Variants in RXFP1 observed in about 807,000 individuals in gnomAD.
RXFP1 encodes relaxin family peptide receptor 1.
Under a neutral mutation model 89.8 loss-of-function variants are expected in RXFP1, and 73 were observed. The observed-to-expected ratio is 0.81, with a 90% CI of 0.67 to 0.99. RXFP1 has a LOEUF of 0.99. Among genes scored for constraint, RXFP1 ranks in the 50% least tolerant of loss-of-function variants. The pLI is 0.00. For missense variants in RXFP1, 793 were observed against 895.5 expected (o/e 0.89, Z 1.46); for synonymous variants, 277 against 305.5 (o/e 0.91, Z 0.97).
At chr4:158,559,727 T>A (rs952682679) in intron 1 of RXFP1, among the ~76,000 whole-genome samples, 2 of 152,248 alleles carry the variant, frequency 1.3e-5, no homozygotes, top group African/African-American at 4.8e-5. Context: ...AAATTCTTCA[T>A]AGAATTGCAG....
At chr4:158,568,345 A>G (rs1276212246) in intron 1 of RXFP1, among the ~76,000 whole-genome samples, 1 of 152,252 alleles carries the variant, frequency 6.6e-6, no homozygotes, top group African/African-American at 2.4e-5. Flanking sequence ...GACTGGACAT[A>G]AAAAGATAAT....
At chr4:158,555,907 C>T (rs1579577876) in intron 1 of RXFP1, among the ~76,000 whole-genome samples, 1 of 152,184 alleles carries the variant, frequency 6.6e-6, no homozygotes, top group Non-Finnish European at 1.5e-5. Flanking sequence ...ACCCCTCCCT[C>T]TTGCAATATA....
intron 2 of RXFP1, among the ~76,000 whole-genome samples, chr4:158,589,561 C>T (rs1039397107): frequency 5.9e-5 from 9 of 152,204 alleles, no homozygotes; most frequent in South Asian, 4.2e-4. Context: ...AACTTATTTA[C>T]CTCAAGTAAA....
intron 17 of RXFP1, among the ~76,000 whole-genome samples, chr4:158,650,989 T>C (rs1262896309): frequency 1.3e-5 from 2 of 152,072 alleles, no homozygotes; most frequent in South Asian, 2.1e-4. Flanking sequence ...CCAGGCATGG[T>C]GGCACATGCC....
rs1580012943 is a variant in RXFP1, at chr4:158,607,890, C to G, written c.465-82C>G. The G allele has an allele frequency of 9.4e-6, 8 of 847,042 alleles. No homozygotes were observed. In the East Asian group the frequency reaches 2.0e-4, roughly 22 times the overall value. The allele number at this position is 847,042 out of a possible 1,614,324, so 52.5% of individuals were successfully genotyped here. ...CATATTGCTATGCTACCATCACCATCATCCATCCACAGAATTCTTTTTGTC... is the reference window on the plus strand; with the variant it reads ...CATATTGCTATGCTACCATCACCATGATCCATCCACAGAATTCTTTTTGTC... On this transcript the variant is annotated intron_variant, in intron 5 of 17. Transcript: ENST00000307765.
At chr4:158,609,245 A>C (rs1408989480) in intron 6 of RXFP1, among the ~76,000 whole-genome samples, 2 of 152,220 alleles carry the variant, frequency 1.3e-5, no homozygotes, top group African/African-American at 4.8e-5. Flanking sequence ...AGGGACTGCC[A>C]TACTATTTTC....
At chr4:158,644,676 G>C (rs1771178597) in intron 14 of RXFP1, among the ~76,000 whole-genome samples, 1 of 152,128 alleles carries the variant, frequency 6.6e-6, no homozygotes, top group South Asian at 2.1e-4. Context: ...TCTAACACTT[G>C]TTATGTTTAT....
intron 17 of RXFP1, among the ~76,000 whole-genome samples, chr4:158,650,432 A>AATATATATATATATATATATATATATAT (rs149845150): frequency 2.1e-5 from 3 of 145,476 alleles, no homozygotes; most frequent in African/African-American, 7.6e-5. Flanking sequence ...AATATATATA[A>AATATATATATATATATATATATATATAT]ATATATATAT....
rs146340904 is a variant in RXFP1 at position 158,632,007 on chromosome 4, G to A, written c.900-1398G>A. Among the ~76,000 whole-genome samples the A allele has an allele frequency of 1.7e-3, 254 of 152,248 alleles. 1 individual carries two copies. Among genetic ancestry groups the A allele is most frequent in the African/African-American group, 5.7e-3 (237 of 41,550 alleles). On this transcript the variant is annotated intron_variant, in intron 11 of 17. Transcript: ENST00000307765. ...ACTCAGGAGGCTGAGGCGGGAGCAT[G>A]CTTAAGCCCGGGAGGTGGAGGTTGC...
chr4:158,545,499 G>T (rs1328294053), intron 1 of RXFP1, among the ~76,000 whole-genome samples: 2 of 152,096 alleles, frequency 1.3e-5, no homozygotes, highest in African/African-American at 4.8e-5. Context: ...ATTGTTTTTG[G>T]TGTTTTAGAC....
Position 158,645,885 on chromosome 4 carries a change from A to G in RXFP1, c.1345+747A>G, listed in dbSNP as rs1771451031. ...AAATGTTTTTTTTTTATTGCAAGCT[A>G]TGTAAGAAACAGAACTCAGAAGCCA... is the stretch of plus-strand genomic sequence containing the variant. On this transcript the variant is annotated intron_variant, in intron 15 of 17. Coordinates refer to ENST00000307765, the MANE Select transcript of RXFP1 (RefSeq NM_021634.4). Among the ~76,000 whole-genome samples the G allele has an allele frequency of 2.0e-5, 3 of 152,016 alleles. No homozygotes were observed. In the South Asian group the frequency reaches 6.2e-4, roughly 31 times the overall value.
rs1159465557 is a variant in RXFP1, at chr4:158,652,636, A to G, written c.*581A>G. On this transcript the variant is annotated 3_prime_UTR_variant, in exon 18 of 18. Transcript: ENST00000307765. ...TAAGTTTCCATACACTTGAGAGCCA[A>G]CACAACATATTTATTACTAAAAAGA... The G allele has an allele frequency of 6.6e-6, 1 of 152,246 alleles. No homozygotes were observed. Among genetic ancestry groups the G allele is most frequent in the Admixed American group, 6.5e-5 (1 of 15,286 alleles). 9.4% of individuals were successfully genotyped at this position (152,246 alleles called of 1,614,324 possible).
intron 1 of RXFP1, among the ~76,000 whole-genome samples, chr4:158,560,585 C>G (rs751165938): frequency 1.1e-4 from 16 of 152,186 alleles, no homozygotes; most frequent in South Asian, 8.3e-4. Flanking sequence ...AACAAAGAAG[C>G]GTTTATTTTT....
intron 9 of RXFP1, among the ~76,000 whole-genome samples, chr4:158,617,978 T>C (rs1764916823): frequency 6.6e-6 from 1 of 152,100 alleles, no homozygotes; most frequent in South Asian, 2.1e-4. Flanking sequence ...ATCAACTTGA[T>C]AAAAAAGCAT....
At chr4:158,629,608 A>AT (rs60503812) in intron 11 of RXFP1, among the ~76,000 whole-genome samples, 33,559 of 151,628 alleles carry the variant, frequency 0.22, 5,500 homozygotes, top group African/African-American at 0.46. Context: ...TTTAGTGTCA[A>AT]TTTTTTTCTT....
chr4:158,523,075 T>C (rs982790078), intron 1 of RXFP1, among the ~76,000 whole-genome samples: 1 of 152,212 alleles, frequency 6.6e-6, no homozygotes, highest in Non-Finnish European at 1.5e-5. Flanking sequence ...TTCAGAATCC[T>C]GGGGAAATAT....
In RXFP1 at chr4:158,572,825, G is replaced by A. The variant is rs1755371667; in HGVS notation, c.177G>A (p.Glu59=). 6.2e-7 allele frequency: 1 copy of A among 1,614,134 alleles called. No homozygotes were observed. The highest frequency in any genetic ancestry group is 1.7e-5 in the Admixed American group (1 of 60,014). ...ACGACTGCGGGAATCAGGCCGATGA[G>A]GACAACTGTGGTGAGTGAAGCCCCT... is the stretch of plus-strand genomic sequence containing the variant. ...GVDDCGNQAD[E]DNCGDNNGWS... Residue 59 remains glutamate, a synonymous_variant, in exon 2 of 18, where the codon GAG becomes GAA. Coordinates refer to ENST00000307765, the MANE Select transcript of RXFP1 (RefSeq NM_021634.4).
chr4:158,607,065 T>A, intron 5 of RXFP1: 15 of 1,535,930 alleles, frequency 9.8e-6, no homozygotes, highest in Non-Finnish European at 1.2e-5. Context: ...TAAAGAACAA[T>A]GGTGACCTGC....
intron 1 of RXFP1, among the ~76,000 whole-genome samples, chr4:158,527,544 C>A (rs1742835994): frequency 2.6e-5 from 1 of 38,964 alleles, no homozygotes; most frequent in African/African-American, 6.3e-5. Context: ...ACTCCATCTC[C>A]CCCGCTCCAA....
Sources: gnomAD v4.1 joint callset for allele counts (sites outside exome capture counted in the v4.1 genomes callset) on GRCh38, gnomAD v4.1.1 for gene constraint, MANE v1.5 for transcripts, NCBI Gene and HGNC (gene_info 2026-07-23, HGNC 2026-07-21) for gene names.